Variants in TMEM233 observed in about 807,000 individuals in gnomAD.
TMEM233 encodes transmembrane protein 233.
Under a neutral mutation model 11.2 loss-of-function variants are expected in TMEM233, and 6 were observed. The ratio of observed to expected loss-of-function variants is 0.54; its 90% CI spans 0.29 to 1.06. The LOEUF (loss-of-function observed/expected upper bound fraction) is 1.06, where lower values mean the gene tolerates loss of function less well. TMEM233 is among the 50% of genes least tolerant of loss of function. TMEM233 has a pLI of 0.08. For synonymous variants in TMEM233, 59 were observed against 55.8 expected, an observed-to-expected ratio of 1.06 and a Z score of -0.26; for missense variants, 127 against 144.7, an observed-to-expected ratio of 0.88 and a Z score of 0.63.
chr12:119,634,357 A>G, intron 2 of TMEM233: 3 of 777,584 alleles, frequency 3.9e-6, no homozygotes, highest in Non-Finnish European at 4.7e-6. Flanking sequence ...CACACCTGTA[A>G]TCCAATACCT....
chr12:119,619,105 A>G (rs1218774463), intron 1 of TMEM233, among the ~76,000 whole-genome samples: 1 of 152,120 alleles, frequency 6.6e-6, no homozygotes, highest in Non-Finnish European at 1.5e-5. Context: ...ATGGTTTTAT[A>G]AGGGGCTTCC....
At chr12:119,611,375 G>A (rs1169556672) in intron 1 of TMEM233, among the ~76,000 whole-genome samples, 1 of 152,084 alleles carries the variant, frequency 6.6e-6, no homozygotes, top group African/African-American at 2.4e-5. Flanking sequence ...CCCAGTAGAT[G>A]CAAAGTGGTA....
At chr12:119,639,484 T>C (rs534941687) in intron 2 of TMEM233, among the ~76,000 whole-genome samples, 18 of 151,098 alleles carry the variant, frequency 1.2e-4, no homozygotes, top group Middle Eastern at 3.4e-3. Flanking sequence ...TAGCTGGGCA[T>C]GGTGGCAGGC....
chr12:119,605,975 G>A (rs926083827), intron 1 of TMEM233, among the ~76,000 whole-genome samples: 4 of 152,036 alleles, frequency 2.6e-5, no homozygotes, highest in African/African-American at 7.3e-5. Context: ...ATGAATTAAC[G>A]GTGCTGAAGA....
intron 1 of TMEM233, among the ~76,000 whole-genome samples, chr12:119,628,500 T>A (rs1392016303): frequency 7.8e-6 from 1 of 128,742 alleles, no homozygotes; most frequent in South Asian, 2.7e-4. Context: ...CTCTTTTTTT[T>A]TTTTTTTTTT....
At chr12:119,597,177 G>A (rs1371263629) in intron 1 of TMEM233, among the ~76,000 whole-genome samples, 1 of 152,228 alleles carries the variant, frequency 6.6e-6, no homozygotes, top group Non-Finnish European at 1.5e-5. Context: ...CCAGGCGTTT[G>A]CTTCCCCTAG....
At chr12:119,651,853 T>C in the TMEM233 span, among the ~76,000 whole-genome samples, 1 of 146,434 alleles carries the variant, frequency 6.8e-6, no homozygotes, top group East Asian at 2.0e-4. Context: ...AAAAAAAGAA[T>C]TGCTCAGTAA....
At chr12:119,630,032 A>G (rs763971825) in intron 2 of TMEM233, among the ~76,000 whole-genome samples, 160 bp downstream of exon 2, 2 of 152,244 alleles carry the variant, frequency 1.3e-5, no homozygotes, top group African/African-American at 2.4e-5. Context: ...CCAGAGGGAC[A>G]TATCAACAGT....
intron 1 of TMEM233, among the ~76,000 whole-genome samples, chr12:119,617,145 G>A (rs995036196): frequency 3.3e-5 from 5 of 152,190 alleles, no homozygotes; most frequent in Non-Finnish European, 5.9e-5. Flanking sequence ...GAACAGTTTG[G>A]AGGGCTCAGA....
At chr12:119,602,076 A>G (rs1047108508) in intron 1 of TMEM233, among the ~76,000 whole-genome samples, 1 of 152,198 alleles carries the variant, frequency 6.6e-6, no homozygotes, top group Non-Finnish European at 1.5e-5. Context: ...AAGTCTGACC[A>G]TACCTGCTGT....
chr12:119,600,787 A>T (rs1018565232), intron 1 of TMEM233, among the ~76,000 whole-genome samples: 2 of 152,134 alleles, frequency 1.3e-5, no homozygotes, highest in African/African-American at 4.8e-5. Context: ...GACTATGGGG[A>T]GAGGGAAATG....
At chr12:119,634,122 A>ATC in intron 2 of TMEM233, 1 of 292,144 alleles carries the variant, frequency 3.4e-6, no homozygotes, top group Non-Finnish European at 5.1e-6. Flanking sequence ...CAAACTCATC[A>ATC]TCCTAATCTG....
chr12:119,640,012 A>G (rs1955050575), intron 2 of TMEM233, among the ~76,000 whole-genome samples: 1 of 152,238 alleles, frequency 6.6e-6, no homozygotes, highest in African/African-American at 2.4e-5. Context: ...ATGCTTATTG[A>G]TCAGTTTCAA....
downstream of TMEM233, among the ~76,000 whole-genome samples, chr12:119,643,916 G>T (rs1286505488): frequency 6.6e-6 from 1 of 152,148 alleles, no homozygotes; most frequent in Non-Finnish European, 1.5e-5. Context: ...ATCCTGGTGC[G>T]CAGGGTTTTT....
chr12:119,643,899 C>T (rs1291815783), downstream of TMEM233, among the ~76,000 whole-genome samples: 1 of 152,158 alleles, frequency 6.6e-6, no homozygotes, highest in Non-Finnish European at 1.5e-5. Context: ...GCTTCAGAGG[C>T]AGCTGGATCC....
At chr12:119,614,898 A>T (rs571973533) in intron 1 of TMEM233, among the ~76,000 whole-genome samples, 1 of 152,112 alleles carries the variant, frequency 6.6e-6, no homozygotes, top group Non-Finnish European at 1.5e-5. Flanking sequence ...ATGATTCATT[A>T]TTATGACTAA....
Position 119,595,200 on chromosome 12 carries a change from G to A in TMEM233, c.186+1166G>A. Among the ~76,000 whole-genome samples the A allele has an allele frequency of 6.6e-6, 1 of 152,202 alleles. No individual in the cohort carries two copies. Among genetic ancestry groups the A allele is most frequent in the Non-Finnish European group, 1.5e-5 (1 of 68,040 alleles). On this transcript the variant is annotated intron_variant, in intron 1 of 2. Transcript: ENST00000426426. The surrounding 1 kb of genome is among the most constrained non-coding windows in gnomAD (Gnocchi z 4.3). ...CAGCAGCTGGCCCGGGGGTGGCGGCGGGGTGAGGTTCGTACCGGCACTGTC... is the reference window on the plus strand; with the variant it reads ...CAGCAGCTGGCCCGGGGGTGGCGGCAGGGTGAGGTTCGTACCGGCACTGTC...
At chr12:119,626,532 G>T (rs1954765236) in intron 1 of TMEM233, among the ~76,000 whole-genome samples, 1 of 38,988 alleles carries the variant, frequency 2.6e-5, no homozygotes, top group Non-Finnish European at 5.8e-5. Context: ...AGGGAGAAGG[G>T]AGAAGGGAGA....
Position 119,594,287 on chromosome 12 carries a change from T to G in TMEM233, c.186+253T>G, listed in dbSNP as rs576820484. ...GCTTCCCCCAGGCTAGCTTTCCTCT[T>G]CTTTCCAGCTCCCAGGGTGCGTTTC... On this transcript the variant is annotated intron_variant, in intron 1 of 2. Transcript: ENST00000426426. The surrounding 1 kb of genome is among the most constrained non-coding windows in gnomAD (Gnocchi z 5.6). The G allele has an allele frequency of 2.2e-4, 103 of 461,982 alleles. No individual in the cohort carries two copies. Among genetic ancestry groups the G allele is most frequent in the African/African-American group, 2.0e-3 (98 of 50,236 alleles). The allele number at this position is 461,982 out of a possible 1,614,324, so 28.6% of individuals were successfully genotyped here.
Sources: gnomAD v4.1 joint callset for allele counts (sites outside exome capture counted in the v4.1 genomes callset) on GRCh38, gnomAD v4.1.1 for gene constraint, Gnocchi (gnomAD v3.1) non-coding constraint, MANE v1.5 for transcripts, NCBI Gene and HGNC (gene_info 2026-07-23, HGNC 2026-07-21) for gene names.